Variants in DPYD observed in about 807,000 individuals in gnomAD.
DPYD encodes the protein dihydropyrimidine dehydrogenase [NADP(+)].
DPYD carries 109 observed loss-of-function variants against 116.2 expected under a neutral mutation model. The ratio of observed to expected loss-of-function variants is 0.94; its 90% CI spans 0.80 to 1.10. DPYD has a LOEUF of 1.10. Ranked by LOEUF, DPYD falls within the 50% of genes least tolerant of loss-of-function variation. The pLI, the probability that DPYD is intolerant of heterozygous loss-of-function variation, is 0.00. For synonymous variants in DPYD, 440 were observed against 432.0 expected (o/e 1.02, Z -0.23); for missense variants, 1,302 against 1,254.5 (o/e 1.04, Z -0.57).
At chr1:97,221,746 T>A (rs1465950011) in intron 19 of DPYD, among the ~76,000 whole-genome samples, 1 of 152,066 alleles carries the variant, frequency 6.6e-6, no homozygotes, top group Non-Finnish European at 1.5e-5. Flanking sequence ...TTTGGAACAT[T>A]TCTCTGTAAA....
chr1:97,622,273 T>C (rs1656675017), intron 8 of DPYD, among the ~76,000 whole-genome samples: 1 of 151,982 alleles, frequency 6.6e-6, no homozygotes, highest in Non-Finnish European at 1.5e-5. Context: ...TGATAGTATA[T>C]AAAATAAGGT....
intron 13 of DPYD, among the ~76,000 whole-genome samples, chr1:97,467,997 C>A (rs1677425434): frequency 1.3e-5 from 2 of 152,064 alleles, no homozygotes; most frequent in South Asian, 4.2e-4. Context: ...TGACAAACTC[C>A]TATGGTAAAG....
At chr1:97,883,151 T>A (rs1672311260) in intron 2 of DPYD, 113 bp downstream of exon 2, 1 of 661,896 alleles carries the variant, frequency 1.5e-6, no homozygotes, top group South Asian at 2.0e-5. Context: ...AAAATATTTT[T>A]AAAATCACGG....
intron 11 of DPYD, among the ~76,000 whole-genome samples, chr1:97,551,558 T>C (rs1651322766): frequency 6.6e-6 from 1 of 152,072 alleles, no homozygotes; most frequent in African/African-American, 2.4e-5. Flanking sequence ...AGATAATTAA[T>C]AAAAAGATAA....
intron 18 of DPYD, among the ~76,000 whole-genome samples, chr1:97,258,637 C>A (rs569993351): frequency 6.6e-6 from 1 of 152,232 alleles, no homozygotes; most frequent in African/African-American, 2.4e-5. Context: ...CAAACTAAGG[C>A]AGAGATGCAA....
At chr1:97,617,076 C>T (rs886458201) in intron 8 of DPYD, among the ~76,000 whole-genome samples, 4 of 152,126 alleles carry the variant, frequency 2.6e-5, no homozygotes, top group African/African-American at 9.7e-5. Context: ...GTGGTGCACA[C>T]ATGCAGTCCA....
rs1302565509 is a variant in DPYD at position 97,383,491 on chromosome 1, A to G, written c.1906-1030T>C. Among the ~76,000 whole-genome samples the G allele has an allele frequency of 5.4e-5, 7 of 130,438 alleles. No homozygotes were observed. In the South Asian group the frequency reaches 1.5e-3, roughly 28 times the overall value. The allele number at this position is 130,438 out of a possible 152,430, so 85.6% of individuals were successfully genotyped here. On this transcript the variant is annotated intron_variant, in intron 14 of 22. Coordinates refer to ENST00000370192, the MANE Select transcript of DPYD (RefSeq NM_000110.4). ...ACTCTGTCTCAAAAAAAAAAAAAGA[A>G]AAAAAGAAAAAAAGAAAAGAAAAGT...
At chr1:97,778,954 A>G (rs1417362516) in intron 3 of DPYD, among the ~76,000 whole-genome samples, 2 of 152,108 alleles carry the variant, frequency 1.3e-5, no homozygotes, top group African/African-American at 2.4e-5. Context: ...CCTTATGACA[A>G]TTCTTTTTAT....
rs193229283 is a variant in DPYD, at chr1:97,385,453, G to A, written c.1906-2992C>T. ...CAGACTGAAGAAGAAGAAAAAATTAGCTATTAGATACTAGTTACCCTGTGG... is the reference window on the plus strand; with the variant it reads ...CAGACTGAAGAAGAAGAAAAAATTAACTATTAGATACTAGTTACCCTGTGG... On this transcript the variant is annotated intron_variant, in intron 14 of 22. Coordinates refer to ENST00000370192, the MANE Select transcript of DPYD (RefSeq NM_000110.4). Among the ~76,000 whole-genome samples, 423 of 150,588 alleles carry A rather than the reference G, an allele frequency of 2.8e-3. 2 individuals carry two copies. The highest frequency in any genetic ancestry group is 1.0e-2 in the African/African-American group (409 of 41,064).
intron 8 of DPYD, among the ~76,000 whole-genome samples, chr1:97,639,510 A>G (rs954938505): frequency 6.6e-6 from 1 of 152,222 alleles, no homozygotes; most frequent in East Asian, 1.9e-4. Context: ...TGGAAAAAAA[A>G]TGTAAGCACT....
intron 19 of DPYD, among the ~76,000 whole-genome samples, chr1:97,203,677 A>ACCCC (rs1557935782): frequency 2.3e-5 from 1 of 44,318 alleles, no homozygotes; most frequent in Non-Finnish European, 4.5e-5. Flanking sequence ...CCCCCCCCAA[A>ACCCC]AAAAAAAAAA....
chr1:97,098,507 C>T lies in DPYD; in HGVS notation c.2748G>A (p.Arg916=). Residue 916 remains arginine (R), a synonymous_variant, in exon 21 of 23, where the codon AGG becomes AGA. Coordinates refer to ENST00000370192, the MANE Select transcript of DPYD (RefSeq NM_000110.4). ...TTTTTACCTTGATGGTAGGAATAGG[C>T]CTTTTGGGGATAAAACAGTTTCTCT... is the stretch of plus-strand genomic sequence containing the variant. ...PLKRNCFIPK[R]PIPTIKDVIG... is the part of the protein sequence containing the mutation. 6.2e-7 allele frequency: 1 copy of T among 1,612,770 alleles called. No homozygotes were observed. The highest frequency in any genetic ancestry group is 8.5e-7 in the Non-Finnish European group (1 of 1,179,260).
At chr1:97,386,717 C>T (rs1369958630) in intron 14 of DPYD, among the ~76,000 whole-genome samples, 2 of 151,812 alleles carry the variant, frequency 1.3e-5, no homozygotes. Context: ...TTCTAAATAT[C>T]CTTATCTAAA....
chr1:97,784,267 T>G (rs972916430), intron 3 of DPYD, among the ~76,000 whole-genome samples: 444 of 2,430 alleles, frequency 0.18, 13 homozygotes, highest in Non-Finnish European at 0.1. Context: ...TGCTTTTCCT[T>G]TTTTTAAAAA....
At chr1:97,680,577 A>T (rs1660378398) in intron 7 of DPYD, among the ~76,000 whole-genome samples, 1 of 152,184 alleles carries the variant, frequency 6.6e-6, no homozygotes. Context: ...AGAGTCACAG[A>T]GTATAGATAA....
At chr1:97,743,379 C>T (rs1462551491) in intron 3 of DPYD, among the ~76,000 whole-genome samples, 2 of 152,122 alleles carry the variant, frequency 1.3e-5, no homozygotes, top group African/African-American at 4.8e-5. Context: ...ATCACTCTGA[C>T]AGCTCAGTAA....
chr1:97,579,810 A>C (rs1023801546), intron 10 of DPYD, among the ~76,000 whole-genome samples: 1 of 152,238 alleles, frequency 6.6e-6, no homozygotes, highest in Non-Finnish European at 1.5e-5. Flanking sequence ...GTAAGCAGCT[A>C]TAAGGGTCCA....
At chr1:97,200,028 T>A (rs1659096429) in intron 19 of DPYD, among the ~76,000 whole-genome samples, 1 of 152,206 alleles carries the variant, frequency 6.6e-6, no homozygotes, top group African/African-American at 2.4e-5. Flanking sequence ...TAAAAATATT[T>A]ATCCCAGGTA....
chr1:97,491,648 T>G (rs1678982226), intron 13 of DPYD, among the ~76,000 whole-genome samples: 1 of 152,076 alleles, frequency 6.6e-6, no homozygotes. Flanking sequence ...CTTAATTCTC[T>G]GGGCCTCAGT....
Sources: allele counts gnomAD v4.1 joint callset (sites outside exome capture counted in the v4.1 genomes callset), GRCh38; gene constraint gnomAD v4.1.1; transcripts MANE v1.5; gene names NCBI Gene and HGNC (gene_info 2026-07-23, HGNC 2026-07-21).